The following CDH13 variants were observed in gnomAD, a reference collection of about 807,000 sequenced individuals.
CDH13 encodes cadherin-13.
A neutral mutation model predicts 63.8 loss-of-function variants in CDH13; 24 were observed. That is an observed-to-expected ratio of 0.38 (90% CI 0.27 to 0.53). The LOEUF is 0.53. Among genes scored for constraint, CDH13 ranks in the 20% least tolerant of loss-of-function variants. The probability of loss-of-function intolerance (pLI) is 0.85; values close to 1 mark genes in which losing one functional copy is unlikely to be tolerated. For synonymous variants in CDH13, 503 were observed against 355.3 expected, an observed-to-expected ratio of 1.42 and a Z score of -4.67; for missense variants, 1,049 against 903.1, an observed-to-expected ratio of 1.16 and a Z score of -2.07.
intron 5 of CDH13, among the ~76,000 whole-genome samples, chr16:83,264,909 T>A (rs889539148): frequency 2.0e-5 from 3 of 152,206 alleles, no homozygotes; most frequent in Non-Finnish European, 4.4e-5. Context: ...TATTCTAGGT[T>A]TATGTTATTG....
intron 13 of CDH13, among the ~76,000 whole-genome samples, chr16:83,786,020 T>C (rs545258152): frequency 1.9e-4 from 29 of 152,232 alleles, no homozygotes; most frequent in African/African-American, 6.3e-4. Flanking sequence ...AGTGTGAAGA[T>C]GTTTGCTACC....
At chr16:83,443,090 G>C (rs1417522535) in intron 6 of CDH13, among the ~76,000 whole-genome samples, 1 of 152,222 alleles carries the variant, frequency 6.6e-6, no homozygotes, top group African/African-American at 2.4e-5. Context: ...CATCTCAGCA[G>C]ACTGAAGTTT....
At chr16:83,258,176 T>A (rs1171448207) in intron 5 of CDH13, among the ~76,000 whole-genome samples, 1 of 152,144 alleles carries the variant, frequency 6.6e-6, no homozygotes, top group East Asian at 1.9e-4. Context: ...TTAAGATGAG[T>A]GAAGAAATTG....
intron 2 of CDH13, among the ~76,000 whole-genome samples, chr16:82,869,442 T>G (rs1187938770): frequency 1.3e-5 from 2 of 151,988 alleles, no homozygotes; most frequent in Admixed American, 6.6e-5. Context: ...TTTATCCTTA[T>G]TAAAATACCA....
chr16:83,278,657 A>T (rs2089067689), intron 5 of CDH13, among the ~76,000 whole-genome samples: 2 of 152,166 alleles, frequency 1.3e-5, no homozygotes, highest in South Asian at 4.1e-4. Flanking sequence ...GATCCTGGCA[A>T]TGCCGGTTGA....
Position 83,783,353 on chromosome 16 carries a change from T to A in CDH13, c.2015T>A (p.Ile672Asn). Residue 672 changes from isoleucine to asparagine, a missense_variant, in exon 13 of 14, where the codon ATC (isoleucine) becomes AAC (asparagine). By Grantham distance (149) the Ile-to-Asn change is moderately radical. Coordinates refer to ENST00000567109, the MANE Select transcript of CDH13 (RefSeq NM_001257.5). ...TDSGKPPMTN[I>N]TDLRVQVCSC... ...TCAGGGAAACCACCCATGACGAATA[T>A]CACAGATCTCAGGGTACAAGTGTGC... 1 of 1,613,880 alleles carries A rather than the reference T, an allele frequency of 6.2e-7. No individual in the cohort carries two copies. The highest frequency in any genetic ancestry group is 8.5e-7 in the Non-Finnish European group (1 of 1,179,834).
intron 2 of CDH13, among the ~76,000 whole-genome samples, chr16:82,956,061 C>T (rs922275004): frequency 6.6e-6 from 1 of 152,166 alleles, no homozygotes; most frequent in African/African-American, 2.4e-5. Flanking sequence ...TAAACTCAAT[C>T]TCCCCACCAA....
chr16:83,230,184 C>A (rs1019928956), intron 5 of CDH13, among the ~76,000 whole-genome samples: 1 of 152,156 alleles, frequency 6.6e-6, no homozygotes, highest in Admixed American at 6.5e-5. Flanking sequence ...GTTTTTATTG[C>A]AGAACCTAAT....
chr16:82,651,206 T>C (rs1031765353), intron 1 of CDH13, among the ~76,000 whole-genome samples: 1 of 152,234 alleles, frequency 6.6e-6, no homozygotes, highest in African/African-American at 2.4e-5. Flanking sequence ...TTTTAACAAA[T>C]AAGAAATAAC....
intron 6 of CDH13, among the ~76,000 whole-genome samples, chr16:83,481,089 A>C (rs116115296): frequency 3.9e-5 from 6 of 152,166 alleles, no homozygotes; most frequent in Non-Finnish European, 8.8e-5. Context: ...CTTGACAACG[A>C]TGTGCCATTT....
At chr16:83,394,976 C>T (rs1289223333) in intron 6 of CDH13, among the ~76,000 whole-genome samples, 3 of 151,892 alleles carry the variant, frequency 2.0e-5, no homozygotes, top group East Asian at 1.9e-4. Flanking sequence ...GGTGAAATCC[C>T]GTCTCTACTA....
intron 1 of CDH13, among the ~76,000 whole-genome samples, chr16:82,670,532 C>A (rs1298826082): frequency 6.6e-6 from 1 of 152,140 alleles, no homozygotes; most frequent in African/African-American, 2.4e-5. Flanking sequence ...CCCAGGTTTG[C>A]TTTACCTGAA....
At chr16:83,134,223 C>T (rs112141881) in intron 4 of CDH13, among the ~76,000 whole-genome samples, 13,908 of 152,090 alleles carry the variant, frequency 0.091, 762 homozygotes, top group African/African-American at 0.12. Flanking sequence ...GACAGAGTCT[C>T]GCTCTGTCGC....
Position 83,748,198 on chromosome 16 carries a change from C to G in CDH13, c.1629C>G (p.Ser543=), listed in dbSNP as rs1181565079. The part of the protein sequence containing the change: ...VDTTAVLDRE[S]PFVDNSVYTA... ...CCACAGCTGTGCTGGACCGTGAGTCCCCATTTGTCGACAACAGCGTGTACA... is the reference window on the plus strand; with the variant it reads ...CCACAGCTGTGCTGGACCGTGAGTCGCCATTTGTCGACAACAGCGTGTACA... The change falls in exon 11 of 14, where the codon TCC becomes TCG. Residue 543 remains serine (S), a synonymous_variant. Transcript: ENST00000567109. 2 of 1,613,822 alleles carry G rather than the reference C, an allele frequency of 1.2e-6. No homozygotes were observed. The highest frequency in any genetic ancestry group is 1.7e-6 in the Non-Finnish European group (2 of 1,179,790).
At chr16:83,216,400 A>ATATATATATGTATG (rs1340467637) in intron 4 of CDH13, among the ~76,000 whole-genome samples, 1 of 40,054 alleles carries the variant, frequency 2.5e-5, no homozygotes, top group Non-Finnish European at 4.3e-5. Context: ...GCATTGAAAT[A>ATATATATATGTATG]TATATATATA....
At chr16:82,745,683 G>C (rs145769937) in intron 1 of CDH13, among the ~76,000 whole-genome samples, 5 of 152,012 alleles carry the variant, frequency 3.3e-5, no homozygotes, top group Admixed American at 2.6e-4. Context: ...TTCTCCCTTA[G>C]GTATAAGCCT....
At chr16:83,305,840 A>G (rs11149556) in intron 5 of CDH13, among the ~76,000 whole-genome samples, 55,190 of 152,108 alleles carry the variant, frequency 0.36, 10,399 homozygotes, top group East Asian at 0.53. Flanking sequence ...TACTCAATAA[A>G]TTGTAGCTGT....
intron 5 of CDH13, among the ~76,000 whole-genome samples, chr16:83,301,779 A>AT (rs967963856): frequency 7.1e-4 from 107 of 150,508 alleles, no homozygotes; most frequent in South Asian, 2.3e-3. Flanking sequence ...ATTTCCTGTA[A>AT]TTTTTTTTTC....
At chr16:83,216,443 T>TATATACACACACATAC (rs1472700247) in intron 4 of CDH13, among the ~76,000 whole-genome samples, 2 of 93,420 alleles carry the variant, frequency 2.1e-5, no homozygotes, top group African/African-American at 7.9e-5. Context: ...TATATATATA[T>TATATACACACACATAC]ACACAACCCT....
Sources: gnomAD v4.1 joint callset for allele counts (sites outside exome capture counted in the v4.1 genomes callset) on GRCh38, gnomAD v4.1.1 for gene constraint, MANE v1.5 for transcripts, NCBI Gene and HGNC (gene_info 2026-07-23, HGNC 2026-07-21) for gene names.